Variants in CFAP299 observed in about 807,000 individuals in gnomAD.
CFAP299 encodes the protein cilia- and flagella-associated protein 299.
A neutral mutation model predicts 27.0 loss-of-function variants in CFAP299; 21 were observed. The ratio of observed to expected loss-of-function variants is 0.78; its 90% confidence interval spans 0.55 to 1.12. The LOEUF (loss-of-function observed/expected upper bound fraction) is 1.12. Ranked by LOEUF, CFAP299 falls within the 50% of genes most tolerant of loss-of-function variation. CFAP299 has a pLI of 0.00. For missense variants in CFAP299, 310 were observed against 276.6 expected, an observed-to-expected ratio of 1.12 and a Z score of -0.86; for synonymous variants, 104 against 98.1, an observed-to-expected ratio of 1.06 and a Z score of -0.36.
At chr4:80,488,332 A>T (rs1730932586) in intron 2 of CFAP299, among the ~76,000 whole-genome samples, 1 of 152,188 alleles carries the variant, frequency 6.6e-6, no homozygotes, top group Non-Finnish European at 1.5e-5. Context: ...GAAATATGAG[A>T]CTGAACCGTG....
chr4:80,837,262 A>G (rs1730613694), intron 3 of CFAP299, among the ~76,000 whole-genome samples: 1 of 152,088 alleles, frequency 6.6e-6, no homozygotes, highest in Admixed American at 6.6e-5. Flanking sequence ...CCAAGTTATC[A>G]ATTCATTGTA....
intron 2 of CFAP299, among the ~76,000 whole-genome samples, chr4:80,439,419 G>A (rs940283531): frequency 2.2e-4 from 33 of 152,160 alleles, no homozygotes; most frequent in African/African-American, 6.8e-4. Context: ...AGGGTAGGGC[G>A]TCACCTCACC....
intron 2 of CFAP299, among the ~76,000 whole-genome samples, chr4:80,439,208 A>G (rs1728230820): frequency 6.6e-6 from 1 of 152,124 alleles, no homozygotes; most frequent in African/African-American, 2.4e-5. Flanking sequence ...TGATTGAGGG[A>G]ATCTTTAGTT....
chr4:80,643,719 A>G (rs1739843368), intron 3 of CFAP299, among the ~76,000 whole-genome samples: 1 of 152,166 alleles, frequency 6.6e-6, no homozygotes, highest in African/African-American at 2.4e-5. Flanking sequence ...AGGAACTTAT[A>G]GAGTCTGTTT....
chr4:80,828,107 G>A lies in CFAP299; in HGVS notation c.334-41886G>A, dbSNP rs192005328. On this transcript the variant is annotated intron_variant, in intron 3 of 5. Coordinates refer to ENST00000358105, the MANE Select transcript of CFAP299 (RefSeq NM_152770.3). ...GAGCGAAAGACAGTATTGATAAAAT[G>A]TTCGTATTATGGAAGACAATGTACA... 7.9e-5 allele frequency among the ~76,000 whole-genome samples: 12 copies of A among 152,086 alleles called. No homozygotes were observed. The East Asian group carries it at 2.3e-3, about 29-fold the overall frequency.
At chr4:80,793,925 A>C (rs905411222) in intron 3 of CFAP299, among the ~76,000 whole-genome samples, 1 of 152,068 alleles carries the variant, frequency 6.6e-6, no homozygotes, top group Non-Finnish European at 1.5e-5. Flanking sequence ...GCACCTCAGA[A>C]AGTTGTGTTA....
chr4:80,508,215 A>G (rs2110160154), intron 2 of CFAP299, among the ~76,000 whole-genome samples: 1 of 152,308 alleles, frequency 6.6e-6, no homozygotes, highest in South Asian at 2.1e-4. Flanking sequence ...TTTAATGTCT[A>G]AATAAACTGA....
chr4:80,692,730 A>C lies in CFAP299; in HGVS notation c.333+109547A>C, dbSNP rs540109743. On this transcript the variant is annotated intron_variant, in intron 3 of 5. Coordinates refer to ENST00000358105, the MANE Select transcript of CFAP299 (RefSeq NM_152770.3). ...TTAAACTAAAGAGCTTCTGCACAGC[A>C]AAAGAAACTACCATCAGAGTGAACA... is the stretch of plus-strand genomic sequence containing the variant. Among the ~76,000 whole-genome samples the C allele has an allele frequency of 5.5e-4, 84 of 152,322 alleles. 1 individual carries two copies. The highest frequency in any genetic ancestry group is 1.8e-3 in the African/African-American group (74 of 41,562).
intron 2 of CFAP299, among the ~76,000 whole-genome samples, chr4:80,446,648 T>C (rs1218375506): frequency 6.6e-6 from 1 of 152,198 alleles, no homozygotes; most frequent in African/African-American, 2.4e-5. Flanking sequence ...TCCATTACTT[T>C]CTGCATTAGG....
At chr4:80,356,863 C>T (rs1723303983) in intron 1 of CFAP299, among the ~76,000 whole-genome samples, 1 of 152,068 alleles carries the variant, frequency 6.6e-6, no homozygotes, top group African/African-American at 2.4e-5. Context: ...CCAGAACTTC[C>T]AATGCTATGT....
At chr4:80,521,074 T>G (rs552225952) in intron 2 of CFAP299, among the ~76,000 whole-genome samples, 1 of 152,242 alleles carries the variant, frequency 6.6e-6, no homozygotes, top group South Asian at 2.1e-4. Context: ...ACATCAAATA[T>G]GTAGACAAAA....
chr4:80,583,350 T>C (rs951927636), intron 3 of CFAP299, 167 bp downstream of exon 3: 1 of 367,200 alleles, frequency 2.7e-6, no homozygotes, highest in African/African-American at 2.1e-5. Context: ...TTAAAAATTA[T>C]CATTTACATC....
Position 80,829,156 on chromosome 4 carries a change from A to G in CFAP299, c.334-40837A>G, listed in dbSNP as rs188066752. On this transcript the variant is annotated intron_variant, in intron 3 of 5. Transcript: ENST00000358105. ...AAAGAGGCAACCTACAGAATAGGAG[A>G]AAATAATTGCAAATCATATATCTGA... is the stretch of plus-strand genomic sequence containing the variant. Among the ~76,000 whole-genome samples, 176 of 152,204 alleles carry G rather than the reference A, an allele frequency of 1.2e-3. 1 individual carries two copies. Among genetic ancestry groups the G allele is most frequent in the African/African-American group, 4.1e-3 (170 of 41,550 alleles).
chr4:80,496,336 A>G (rs560347727), intron 2 of CFAP299, among the ~76,000 whole-genome samples: 1 of 152,338 alleles, frequency 6.6e-6, no homozygotes, highest in Admixed American at 6.5e-5. Context: ...TTCTTCTACC[A>G]GATACCCTAG....
At chr4:80,667,393 A>G (rs1279417493) in intron 3 of CFAP299, among the ~76,000 whole-genome samples, 2 of 152,154 alleles carry the variant, frequency 1.3e-5, no homozygotes, top group Non-Finnish European at 2.9e-5. Flanking sequence ...AGATTATTAT[A>G]AACTATAGTC....
intron 2 of CFAP299, among the ~76,000 whole-genome samples, chr4:80,456,684 T>C (rs1356316305): frequency 6.6e-6 from 1 of 152,138 alleles, no homozygotes; most frequent in Non-Finnish European, 1.5e-5. Context: ...TGAGATACCA[T>C]GAAGAAATCC....
chr4:80,630,167 T>G (rs965229296), intron 3 of CFAP299, among the ~76,000 whole-genome samples: 11 of 152,174 alleles, frequency 7.2e-5, no homozygotes, highest in Non-Finnish European at 5.9e-5. Flanking sequence ...TACTTTGAAC[T>G]GACCTTCCAG....
intron 3 of CFAP299, among the ~76,000 whole-genome samples, chr4:80,616,559 A>G (rs960627007): frequency 6.6e-6 from 1 of 152,026 alleles, no homozygotes; most frequent in East Asian, 1.9e-4. Context: ...CAAGTTCCCA[A>G]TGCAAGTTAG....
At chr4:80,798,659 G>A (rs186198662) in intron 3 of CFAP299, among the ~76,000 whole-genome samples, 4 of 152,026 alleles carry the variant, frequency 2.6e-5, no homozygotes, top group Non-Finnish European at 4.4e-5. Context: ...GCAGATTTGA[G>A]GCTCAGTATC....
Sources: allele counts gnomAD v4.1 joint callset (sites outside exome capture counted in the v4.1 genomes callset), GRCh38; gene constraint gnomAD v4.1.1; transcripts MANE v1.5; gene names NCBI Gene and HGNC (gene_info 2026-07-23, HGNC 2026-07-21).